The following ZBTB16 variants were observed in gnomAD, a reference collection of about 807,000 sequenced individuals.
ZBTB16 encodes zinc finger and BTB domain-containing protein 16.
Under a neutral mutation model 56.8 loss-of-function variants are expected in ZBTB16, and 8 were observed. The observed-to-expected ratio is 0.14, with a 90% CI of 0.08 to 0.25. The LOEUF (loss-of-function observed/expected upper bound fraction) is 0.25, where lower values mean the gene tolerates loss of function less well. ZBTB16 is among the 10% of genes least tolerant of loss of function. ZBTB16 has a pLI of 1.00. For missense variants in ZBTB16, 625 were observed against 903.0 expected (o/e 0.69, Z 3.95); for synonymous variants, 363 against 368.5 (o/e 0.98, Z 0.17).
At chr11:114,079,589 C>A (rs1347195805) in intron 2 of ZBTB16, among the ~76,000 whole-genome samples, 1 of 152,192 alleles carries the variant, frequency 6.6e-6, no homozygotes. Context: ...TTTGGGAATT[C>A]TTTCTGAAGT....
Position 114,256,032 on chromosome 11 carries a change from T to TG in ZBTB16, c.*5477_*5478insG, listed in dbSNP as rs1555163222. ...ACTTGGTTTTGTTTTGTTTTTTTTT[T>TG]TTGTTTTTTTTGCCTTTTCTTGTGT... is the stretch of plus-strand genomic sequence containing the variant. On this transcript the variant is annotated 3_prime_UTR_variant, in exon 7 of 7. Coordinates refer to ENST00000335953, the MANE Select transcript of ZBTB16 (RefSeq NM_006006.6). 8.3e-5 allele frequency among the ~76,000 whole-genome samples: 10 copies of TG among 120,384 alleles called. No individual in the cohort carries two copies. The highest frequency in any genetic ancestry group is 3.4e-4 in the East Asian group (1 of 2,910). 79.0% of individuals were successfully genotyped at this position (120,384 alleles called of 152,430 possible).
chr11:114,132,570 C>G (rs1480824816), intron 2 of ZBTB16, among the ~76,000 whole-genome samples: 1 of 152,186 alleles, frequency 6.6e-6, no homozygotes, highest in Non-Finnish European at 1.5e-5. Context: ...ATCCTGCCCC[C>G]TCGCAAGCTT....
At position 114,242,268 on chromosome 11, in the gene ZBTB16, A is replaced by G; in HGVS notation, c.1555A>G (p.Ile519Val). ...MEVHAGVRSYICSECNRTFPS... is the reference protein window; with the variant it reads ...MEVHAGVRSYVCSECNRTFPS... The stretch of plus-strand genomic sequence containing the variant: ...GGTCCACGCGGGCGTGCGCAGCTAC[A>G]TCTGCAGTGAGTGCAACCGCACCTT... The change falls in exon 5 of 7, where the codon ATC becomes GTC. Residue 519 changes from isoleucine to valine, a missense_variant. Physicochemically the swap from Ile to Val is conservative, Grantham distance 29 (BLOSUM62 3). Around this residue, in one of 6 missense-constraint regions of ZBTB16, gnomAD observed 140 missense variants for 214.8 expected, o/e 0.65. Transcript: ENST00000335953. The G allele has an allele frequency of 6.2e-7, 1 of 1,614,120 alleles. No individual in the cohort carries two copies. The highest frequency in any genetic ancestry group is 1.3e-5 in the African/African-American group (1 of 75,078).
At chr11:114,171,255 G>A (rs1253041718) in intron 3 of ZBTB16, among the ~76,000 whole-genome samples, 2 of 152,232 alleles carry the variant, frequency 1.3e-5, no homozygotes, top group Non-Finnish European at 2.9e-5. Flanking sequence ...CGAGCAAAGC[G>A]TGGACCAGCG....
intron 4 of ZBTB16, among the ~76,000 whole-genome samples, chr11:114,200,482 T>C (rs576312204): frequency 5.3e-5 from 8 of 152,208 alleles, no homozygotes; most frequent in Non-Finnish European, 8.8e-5. Flanking sequence ...TGGTCCAATA[T>C]AGTCATCAGG....
At chr11:114,248,298 G>T (rs545291644) in intron 6 of ZBTB16, among the ~76,000 whole-genome samples, 5 of 152,334 alleles carry the variant, frequency 3.3e-5, no homozygotes, top group Non-Finnish European at 7.3e-5. Flanking sequence ...CCCAAGTTGG[G>T]GGCAGTGAAG....
rs151133916 is a variant in ZBTB16 at position 114,204,855 on chromosome 11, T to C, written c.1453+17817T>C. On this transcript the variant is annotated intron_variant, in intron 4 of 6. Transcript: ENST00000335953. ...TTCTTAGAAACTGTTTCCCTTTTGGTTTTCTCTAGGCTTGCAAGTGGTCAC... is the reference window on the plus strand; with the variant it reads ...TTCTTAGAAACTGTTTCCCTTTTGGCTTTCTCTAGGCTTGCAAGTGGTCAC... Among the ~76,000 whole-genome samples, 6 of 152,240 alleles carry C rather than the reference T, an allele frequency of 3.9e-5. No individual in the cohort carries two copies. The East Asian group carries it at 1.2e-3, about 29-fold the overall frequency.
At chr11:114,141,066 G>A (rs1028835902) in intron 2 of ZBTB16, among the ~76,000 whole-genome samples, 1 of 152,116 alleles carries the variant, frequency 6.6e-6, no homozygotes, top group Non-Finnish European at 1.5e-5. Context: ...TACCGCCTCC[G>A]CAGGCTCCTC....
chr11:114,074,778 G>A (rs1044398751), intron 2 of ZBTB16, among the ~76,000 whole-genome samples: 51 of 152,208 alleles, frequency 3.4e-4, no homozygotes, highest in Admixed American at 2.0e-3. Flanking sequence ...GAATGTTGCC[G>A]CTAAAGGTCC....
chr11:114,204,994 G>A (rs563584860), intron 4 of ZBTB16, among the ~76,000 whole-genome samples: 1 of 152,244 alleles, frequency 6.6e-6, no homozygotes, highest in South Asian at 2.1e-4. Context: ...CATTTGCCAC[G>A]TTAAAACCCA....
At chr11:114,087,591 A>G (rs1050792525) in intron 2 of ZBTB16, among the ~76,000 whole-genome samples, 1 of 152,014 alleles carries the variant, frequency 6.6e-6, no homozygotes, top group Non-Finnish European at 1.5e-5. Context: ...ACTTAACCAG[A>G]TGGCTGTCCT....
In ZBTB16 at chr11:114,060,114, C is replaced by A; in HGVS notation, c.-91+232C>A. The A allele has an allele frequency of 4.1e-6, 1 of 244,066 alleles. No individual in the cohort carries two copies. Among genetic ancestry groups the A allele is most frequent in the East Asian group, 7.2e-5 (1 of 13,860 alleles). 15.1% of individuals were successfully genotyped at this position (244,066 alleles called of 1,614,324 possible). A position where few individuals can be genotyped will look rare whatever the true frequency, so the allele number is the denominator to read the frequency against. Reference sequence around the variant, plus strand: ...GTCAGCCTGGGCGCAGCTGCCTCCCCAGCCCTTCCTCTTCAGGGCACGGTC... The same window carrying A: ...GTCAGCCTGGGCGCAGCTGCCTCCCAAGCCCTTCCTCTTCAGGGCACGGTC... On this transcript the variant is annotated intron_variant, in intron 1 of 6. Transcript: ENST00000335953. The surrounding 1 kb of genome is among the most constrained non-coding windows in gnomAD (Gnocchi z 6.0).
intron 3 of ZBTB16, among the ~76,000 whole-genome samples, chr11:114,160,189 C>T (rs111950613): frequency 3.9e-4 from 59 of 152,158 alleles, no homozygotes; most frequent in Admixed American, 5.9e-4. Flanking sequence ...GGCCTGGCTG[C>T]GAGCCAGACT....
intron 2 of ZBTB16, among the ~76,000 whole-genome samples, chr11:114,131,403 T>C (rs1591698363): frequency 6.6e-6 from 1 of 152,354 alleles, no homozygotes; most frequent in South Asian, 2.1e-4. Context: ...ATAAAATCTT[T>C]TGTTTTCTCT....
intron 2 of ZBTB16, among the ~76,000 whole-genome samples, chr11:114,149,435 C>A (rs1295926650): frequency 2.0e-5 from 3 of 152,146 alleles, no homozygotes; most frequent in African/African-American, 7.2e-5. Context: ...GGTCTGGATC[C>A]CCAGCAGAGA....
chr11:114,095,253 T>TC (rs1218074003), intron 2 of ZBTB16, among the ~76,000 whole-genome samples: 26 of 129,888 alleles, frequency 2.0e-4, no homozygotes, highest in South Asian at 2.7e-4. Context: ...TTCTTTTTTT[T>TC]TTTTTTTTTT....
chr11:114,225,632 C>T (rs897419875), intron 4 of ZBTB16, among the ~76,000 whole-genome samples: 1 of 151,392 alleles, frequency 6.6e-6, no homozygotes, highest in African/African-American at 2.4e-5. Context: ...GGGCACAGCC[C>T]CCATGACCCA....
At chr11:114,215,884 A>G (rs1159531202) in intron 4 of ZBTB16, among the ~76,000 whole-genome samples, 1 of 152,218 alleles carries the variant, frequency 6.6e-6, no homozygotes, top group East Asian at 1.9e-4. Context: ...TCCCATCTGC[A>G]ATAGTCAGGG....
intron 2 of ZBTB16, among the ~76,000 whole-genome samples, chr11:114,088,475 C>A (rs897892334): frequency 3.3e-5 from 5 of 152,140 alleles, no homozygotes; most frequent in African/African-American, 1.2e-4. Context: ...CTGTTCATTT[C>A]TTCCCTAAGA....
Sources: gnomAD v4.1 joint callset for allele counts (sites outside exome capture counted in the v4.1 genomes callset) on GRCh38, gnomAD v4.1.1 for gene constraint, gnomAD v4.1.1 regional missense constraint, Gnocchi (gnomAD v3.1) non-coding constraint, MANE v1.5 for transcripts, NCBI Gene and HGNC (gene_info 2026-07-23, HGNC 2026-07-21) for gene names.